Variants in LRBA observed in about 807,000 individuals in gnomAD.
The protein encoded by LRBA is LPS responsive beige-like anchor protein.
In LRBA, 176 loss-of-function variants were observed where a neutral mutation model predicts 330.0. The observed-to-expected ratio is 0.53, with a 90% CI of 0.47 to 0.60. The LOEUF (loss-of-function observed/expected upper bound fraction) is 0.60. LRBA is among the 20% of genes least tolerant of loss of function. The pLI, the probability that LRBA is intolerant of heterozygous loss-of-function variation, is 0.00. For synonymous variants in LRBA, 1,230 were observed against 1,193.0 expected (o/e 1.03, Z -0.64); for missense variants, 3,259 against 3,444.8 (o/e 0.95, Z 1.35).
At chr4:150,576,220 G>T (rs1213703996) in intron 40 of LRBA, among the ~76,000 whole-genome samples, 3 of 149,362 alleles carry the variant, frequency 2.0e-5, no homozygotes, top group African/African-American at 7.3e-5. Flanking sequence ...AGGAAGAATA[G>T]GAAAAGAAAA....
chr4:150,277,443 A>G (rs1466332837), intron 56 of LRBA, among the ~76,000 whole-genome samples: 1 of 152,184 alleles, frequency 6.6e-6, no homozygotes, highest in East Asian at 1.9e-4. Flanking sequence ...TCAAAGAAAT[A>G]TAAAAAGCTT....
intron 50 of LRBA, among the ~76,000 whole-genome samples, chr4:150,318,549 TAGCAAG>T (rs200851964): frequency 0.014 from 2,164 of 152,256 alleles, 35 homozygotes; most frequent in Middle Eastern, 0.068. Flanking sequence ...CAGGTAAAGG[TAGCAAG>T]AGATAGAATG....
At chr4:150,299,566 T>C (rs1729385923) in intron 53 of LRBA, among the ~76,000 whole-genome samples, 1 of 152,050 alleles carries the variant, frequency 6.6e-6, no homozygotes, top group African/African-American at 2.4e-5. Context: ...CAAAGCAGTA[T>C]GTATATTAAT....
intron 40 of LRBA, chr4:150,582,353 C>A (rs533633565): frequency 6.6e-6 from 1 of 151,982 alleles, no homozygotes; most frequent in East Asian, 1.9e-4. Flanking sequence ...ATAACACGAC[C>A]CCCCGAGAAG....
chr4:150,632,206 G>T (rs1057479056), intron 37 of LRBA, among the ~76,000 whole-genome samples: 3 of 147,014 alleles, frequency 2.0e-5, no homozygotes, highest in Non-Finnish European at 4.5e-5. Context: ...ACTCCAGCCT[G>T]GGAGACAGAG....
At chr4:150,652,473 CCTTTT>C (rs1438251886) in intron 37 of LRBA, among the ~76,000 whole-genome samples, 1 of 152,002 alleles carries the variant, frequency 6.6e-6, no homozygotes, top group Admixed American at 6.6e-5. Flanking sequence ...TTCCCCCTTT[CCTTTT>C]GTTTCCCATA....
chr4:150,920,482 G>A (rs1351807866), intron 5 of LRBA, among the ~76,000 whole-genome samples: 1 of 152,170 alleles, frequency 6.6e-6, no homozygotes, highest in Non-Finnish European at 1.5e-5. Flanking sequence ...CCAGGAGGCA[G>A]AGGTTGCAGT....
rs138018109 is a variant in LRBA, at chr4:150,599,032, C to A, written c.6021G>T (p.Ala2007=). Reference sequence around the variant, plus strand: ...CATGTTCCACGGCTGTTTTTAGTGTCGCTTCAGGATGTGTCGATCCTAGAG... The same window carrying A: ...CATGTTCCACGGCTGTTTTTAGTGTAGCTTCAGGATGTGTCGATCCTAGAG... ...RNPLGSTHPE[A]TLKTAVEHAT... Residue 2007 remains alanine, a synonymous_variant, in exon 38 of 57, where the codon GCG becomes GCT. Transcript: ENST00000651943. 3 of 1,613,976 alleles carry A rather than the reference C, an allele frequency of 1.9e-6. No homozygotes were observed. Among genetic ancestry groups the A allele is most frequent in the Admixed American group, 3.3e-5 (2 of 60,006 alleles).
chr4:150,721,158 A>T (rs921615358), intron 36 of LRBA: 1 of 580,066 alleles, frequency 1.7e-6, no homozygotes, highest in Non-Finnish European at 3.3e-6. Flanking sequence ...TGCAATGGCC[A>T]TATTTGGTTA....
At position 150,412,870 on chromosome 4, in the gene LRBA, A is replaced by T. The variant is rs575857236; in HGVS notation, c.7194+2568T>A. On this transcript the variant is annotated intron_variant, in intron 47 of 56. Coordinates refer to ENST00000651943, the MANE Select transcript of LRBA (RefSeq NM_001364905.1). ...ATATTGTATAAATATTTAATATCTA[A>T]TATTTAGTTAAAACATTTTTTAAAT... Among the ~76,000 whole-genome samples the T allele has an allele frequency of 5.3e-5, 8 of 151,406 alleles. No homozygotes were observed. The South Asian group carries it at 1.7e-3, about 31-fold the overall frequency.
intron 40 of LRBA, among the ~76,000 whole-genome samples, chr4:150,539,448 T>C (rs1765080483): frequency 6.6e-6 from 1 of 152,248 alleles, no homozygotes; most frequent in African/African-American, 2.4e-5. Context: ...TTTATATTAC[T>C]TTCCTTATTC....
intron 8 of LRBA, 55 bp downstream of exon 8, chr4:150,915,553 A>G: frequency 6.7e-7 from 1 of 1,501,484 alleles, no homozygotes; most frequent in Non-Finnish European, 8.9e-7. Flanking sequence ...TCTTGTTTAA[A>G]AAGCTCATGC....
intron 28 of LRBA, among the ~76,000 whole-genome samples, chr4:150,835,522 T>A (rs995506184): frequency 3.3e-5 from 5 of 152,190 alleles, no homozygotes; most frequent in Non-Finnish European, 7.3e-5. Context: ...GTCCTTCACA[T>A]CTCTTGTAAG....
At chr4:150,794,894 G>A in intron 34 of LRBA, among the ~76,000 whole-genome samples, 1 of 152,088 alleles carries the variant, frequency 6.6e-6, no homozygotes, top group Non-Finnish European at 1.5e-5. Context: ...CAAGAATGCA[G>A]CTACCACAAG....
chr4:150,363,116 G>C (rs113954027), intron 47 of LRBA, among the ~76,000 whole-genome samples: 8 of 152,246 alleles, frequency 5.3e-5, no homozygotes, highest in African/African-American at 1.9e-4. Flanking sequence ...GGGTGACAGA[G>C]AGAGACCTTG....
intron 40 of LRBA, among the ~76,000 whole-genome samples, chr4:150,491,554 C>G (rs1758946354): frequency 6.6e-6 from 1 of 152,042 alleles, no homozygotes; most frequent in Non-Finnish European, 1.5e-5. Flanking sequence ...AACAGTCACT[C>G]ATTCAGAAAG....
chr4:150,680,562 G>T (rs1782963023), intron 37 of LRBA, among the ~76,000 whole-genome samples: 1 of 152,166 alleles, frequency 6.6e-6, no homozygotes. Context: ...TCTTTATAAA[G>T]GGTATTAAGT....
chr4:150,443,886 T>A (rs1350108637), intron 44 of LRBA, among the ~76,000 whole-genome samples: 2 of 107,512 alleles, frequency 1.9e-5, no homozygotes, highest in African/African-American at 6.0e-5. Context: ...TTTTTTTTTT[T>A]TTTTTTTAAA....
chr4:150,476,971 C>T (rs1255493011), intron 42 of LRBA, among the ~76,000 whole-genome samples: 6 of 152,184 alleles, frequency 3.9e-5, no homozygotes, highest in Non-Finnish European at 7.3e-5. Context: ...TACCCTCTCA[C>T]GTCCTACTGG....
Sources: allele counts gnomAD v4.1 joint callset (sites outside exome capture counted in the v4.1 genomes callset), GRCh38; gene constraint gnomAD v4.1.1; transcripts MANE v1.5; gene names NCBI Gene and HGNC (gene_info 2026-07-23, HGNC 2026-07-21).